Variants in PRKN observed in about 807,000 individuals in gnomAD.
PRKN encodes parkin RBR E3 ubiquitin protein ligase, also known as E3 ubiquitin-protein ligase parkin.
Under a neutral mutation model 59.5 loss-of-function variants are expected in PRKN, and 56 were observed. That is an observed-to-expected ratio of 0.94 (90% confidence interval 0.76 to 1.18). The LOEUF (loss-of-function observed/expected upper bound fraction) is 1.18. Ranked by LOEUF, PRKN falls within the 50% of genes most tolerant of loss-of-function variation. The probability of loss-of-function intolerance (pLI) is 0.00; values close to 1 mark genes in which losing one functional copy is unlikely to be tolerated. For missense variants in PRKN, 657 were observed against 596.4 expected (o/e 1.10, Z -1.06); for synonymous variants, 250 against 222.1 (o/e 1.13, Z -1.12).
At chr6:162,517,222 G>T (rs549353026) in intron 1 of PRKN, among the ~76,000 whole-genome samples, 20 of 151,582 alleles carry the variant, frequency 1.3e-4, no homozygotes, top group African/African-American at 3.4e-4. Flanking sequence ...GGGGTGGGGT[G>T]GGGGAGGGCT....
At chr6:162,083,979 A>G (rs1024173715) in intron 4 of PRKN, among the ~76,000 whole-genome samples, 3 of 152,088 alleles carry the variant, frequency 2.0e-5, no homozygotes, top group African/African-American at 7.3e-5. Context: ...GACACTAATA[A>G]TTTGATTATA....
At chr6:162,490,636 T>C (rs934505369) in intron 1 of PRKN, among the ~76,000 whole-genome samples, 1 of 152,168 alleles carries the variant, frequency 6.6e-6, no homozygotes, top group Non-Finnish European at 1.5e-5. Flanking sequence ...TAAATGATTT[T>C]AATAATAGAC....
At chr6:162,385,224 A>G (rs1395518818) in intron 2 of PRKN, among the ~76,000 whole-genome samples, 1 of 152,294 alleles carries the variant, frequency 6.6e-6, no homozygotes, top group East Asian at 1.9e-4. Context: ...TTAACCACCA[A>G]TGGTAGCAGG....
intron 3 of PRKN, among the ~76,000 whole-genome samples, chr6:162,260,604 G>T (rs189242080): frequency 6.6e-6 from 1 of 152,062 alleles, no homozygotes; most frequent in Admixed American, 6.6e-5. Context: ...TTCTGGAGAA[G>T]ACCAAGGGCA....
rs960390936 is a variant in PRKN at position 161,825,893 on chromosome 6, C to A, written c.735-39985G>T. On this transcript the variant is annotated intron_variant, in intron 6 of 11. Coordinates refer to ENST00000366898, the MANE Select transcript of PRKN (RefSeq NM_004562.3). ...TACAAACACACCTGCTAAGGACCAACTGTGGCTCTTTAGGGCCCCTGAAGC... is the reference window on the plus strand; with the variant it reads ...TACAAACACACCTGCTAAGGACCAAATGTGGCTCTTTAGGGCCCCTGAAGC... Among the ~76,000 whole-genome samples the A allele has an allele frequency of 2.0e-5, 3 of 152,188 alleles. 1 individual carries two copies. In the East Asian group the frequency reaches 5.8e-4, roughly 29 times the overall value.
intron 1 of PRKN, among the ~76,000 whole-genome samples, chr6:162,495,300 T>C (rs1793007044): frequency 6.6e-6 from 1 of 152,210 alleles, no homozygotes; most frequent in African/African-American, 2.4e-5. Context: ...TTAGAGTTTT[T>C]CTCATCAGAG....
intron 1 of PRKN, among the ~76,000 whole-genome samples, chr6:162,546,603 C>T (rs1470007654): frequency 6.6e-6 from 1 of 151,658 alleles, no homozygotes; most frequent in Non-Finnish European, 1.5e-5. Flanking sequence ...GCCACCACGC[C>T]CGGCTAATTT....
chr6:161,824,844 CATA>C (rs1440235429), intron 6 of PRKN, among the ~76,000 whole-genome samples: 5 of 152,156 alleles, frequency 3.3e-5, no homozygotes, highest in Non-Finnish European at 7.4e-5. Context: ...ACATTCATTT[CATA>C]ATATGCCAAC....
chr6:161,673,878 T>C (rs902349104), intron 7 of PRKN, among the ~76,000 whole-genome samples: 3 of 152,170 alleles, frequency 2.0e-5, no homozygotes, highest in Non-Finnish European at 4.4e-5. Context: ...GAGGTGATGA[T>C]GACTGAAGCA....
chr6:161,760,074 T>TA (rs35172919), intron 7 of PRKN, among the ~76,000 whole-genome samples: 46,756 of 146,732 alleles, frequency 0.32, 7,419 homozygotes, highest in South Asian at 0.44. Context: ...AGCTCGTTCT[T>TA]AAAAAAAAAA....
intron 1 of PRKN, among the ~76,000 whole-genome samples, chr6:162,482,615 C>G (rs776720584): frequency 6.6e-6 from 1 of 152,116 alleles, no homozygotes; most frequent in Non-Finnish European, 1.5e-5. Context: ...GATTGGTTAT[C>G]CATAATTTTT....
intron 4 of PRKN, among the ~76,000 whole-genome samples, chr6:162,177,411 C>A (rs1490947766): frequency 6.6e-6 from 1 of 152,130 alleles, no homozygotes; most frequent in South Asian, 2.1e-4. Context: ...TTCTACCTCA[C>A]CTTTTTTATA....
chr6:162,039,655 C>A (rs1783987260), intron 5 of PRKN, among the ~76,000 whole-genome samples: 1 of 152,216 alleles, frequency 6.6e-6, no homozygotes, highest in Admixed American at 6.5e-5. Context: ...GGACTGTGAA[C>A]TAGATAAGCC....
intron 2 of PRKN, among the ~76,000 whole-genome samples, chr6:162,342,285 T>A (rs1044055175): frequency 6.6e-6 from 1 of 152,148 alleles, no homozygotes. Context: ...TCACTCTACA[T>A]GATTGCAATA....
chr6:161,413,555 C>A lies in PRKN; in HGVS notation c.1084-26678G>T, dbSNP rs1787691568. ...GGCGGGCTCATGTGGGCACGCTGGC[C>A]ATGGTGGGATGGCAGCGTGGGCCAG... On this transcript the variant is annotated intron_variant, in intron 9 of 11. Transcript: ENST00000366898. The surrounding 1 kb of genome is among the most constrained non-coding windows in gnomAD (Gnocchi z 4.4). 6.6e-6 allele frequency among the ~76,000 whole-genome samples: 1 copy of A among 152,110 alleles called. No individual in the cohort carries two copies. The highest frequency in any genetic ancestry group is 2.4e-5 in the African/African-American group (1 of 41,396).
intron 4 of PRKN, among the ~76,000 whole-genome samples, chr6:162,126,816 G>A (rs974795350): frequency 2.6e-5 from 4 of 152,066 alleles, no homozygotes; most frequent in Non-Finnish European, 5.9e-5. Flanking sequence ...CTGTTTGTTT[G>A]TTTGTTTGTT....
At chr6:161,954,187 T>A (rs1780087891) in intron 6 of PRKN, among the ~76,000 whole-genome samples, 4 of 152,162 alleles carry the variant, frequency 2.6e-5, no homozygotes, top group Non-Finnish European at 5.9e-5. Flanking sequence ...AAACGTAGCT[T>A]CTATAATACA....
At chr6:162,399,381 T>A (rs1378197507) in intron 2 of PRKN, among the ~76,000 whole-genome samples, 2 of 152,122 alleles carry the variant, frequency 1.3e-5, no homozygotes, top group African/African-American at 4.8e-5. Flanking sequence ...AGGCCACGGT[T>A]GGAAGAAGCA....
intron 2 of PRKN, among the ~76,000 whole-genome samples, chr6:162,410,498 C>A (rs577372543): frequency 6.6e-6 from 1 of 152,260 alleles, no homozygotes; most frequent in African/African-American, 2.4e-5. Context: ...CAATTTCGCT[C>A]GACTGAAAGC....
Sources: gnomAD v4.1 joint callset for allele counts (sites outside exome capture counted in the v4.1 genomes callset) on GRCh38, gnomAD v4.1.1 for gene constraint, Gnocchi (gnomAD v3.1) non-coding constraint, MANE v1.5 for transcripts, NCBI Gene and HGNC (gene_info 2026-07-23, HGNC 2026-07-21) for gene names.